Variants in BMPR2 observed in about 807,000 individuals in gnomAD.
BMPR2 encodes the protein bone morphogenetic protein receptor type-2.
In BMPR2, 29 loss-of-function variants were observed where a neutral mutation model predicts 100.8. The ratio of observed to expected loss-of-function variants is 0.29; its 90% CI spans 0.21 to 0.39. The LOEUF (loss-of-function observed/expected upper bound fraction) is 0.39, where lower values mean the gene tolerates loss of function less well. Ranked by LOEUF, BMPR2 falls within the 10% of genes least tolerant of loss-of-function variation. The pLI is 1.00. For missense variants in BMPR2, 1,011 were observed against 1,274.5 expected (o/e 0.79, Z 3.15); for synonymous variants, 382 against 442.3 (o/e 0.86, Z 1.71).
At chr2:202,448,752 G>A (rs1480317150) in intron 1 of BMPR2, among the ~76,000 whole-genome samples, 1 of 151,406 alleles carries the variant, frequency 6.6e-6, no homozygotes, top group Admixed American at 6.6e-5. Context: ...CACCGCGCCC[G>A]GCCTCTTTAA....
At chr2:202,399,206 A>AG (rs1180716806) in intron 1 of BMPR2, among the ~76,000 whole-genome samples, 1 of 152,210 alleles carries the variant, frequency 6.6e-6, no homozygotes, top group Non-Finnish European at 1.5e-5. Context: ...TAAATGCCAC[A>AG]GGGCTATATT....
chr2:202,417,974 T>A (rs767863562), intron 1 of BMPR2, among the ~76,000 whole-genome samples: 18 of 152,134 alleles, frequency 1.2e-4, no homozygotes, highest in Non-Finnish European at 2.6e-4. Flanking sequence ...CACCTTGGCC[T>A]CCCAAAGTGC....
At chr2:202,413,674 T>C (rs1039017912) in intron 1 of BMPR2, among the ~76,000 whole-genome samples, 3 of 151,808 alleles carry the variant, frequency 2.0e-5, no homozygotes, top group African/African-American at 4.8e-5. Flanking sequence ...TATATTACTT[T>C]TTTTTTTTGA....
rs532084695 is a variant in BMPR2, at chr2:202,504,274, T to C, written c.419-9445T>C. On this transcript the variant is annotated intron_variant, in intron 3 of 12. Transcript: ENST00000374580. ...AGCTCTTTGCAATAAATCTTGCTAC[T>C]GCTCACTCTTTGGGTCCATACTGTT... Among the ~76,000 whole-genome samples the C allele has an allele frequency of 9.5e-4, 145 of 152,286 alleles. 2 individuals carry two copies. Among genetic ancestry groups the C allele is most frequent in the Admixed American group, 1.9e-3 (29 of 15,288 alleles).
At chr2:202,530,004 G>C (rs1039764029) in intron 7 of BMPR2, among the ~76,000 whole-genome samples, 1 of 152,040 alleles carries the variant, frequency 6.6e-6, no homozygotes, top group African/African-American at 2.4e-5. Context: ...AAAATATAAT[G>C]TACTTATATT....
chr2:202,467,534 T>C lies in BMPR2; in HGVS notation c.263T>C (p.Ile88Thr), dbSNP rs1160343787. 3 of 1,559,060 alleles carry C rather than the reference T, an allele frequency of 1.9e-6. No homozygotes were observed. The highest frequency in any genetic ancestry group is 2.7e-6 in the Non-Finnish European group (3 of 1,130,036). The change falls in exon 3 of 13, where the codon ATT (isoleucine) becomes ACT (threonine). Residue 88 changes from isoleucine to threonine, a missense_variant. Ile to Thr is a moderately conservative substitution (Grantham distance 89, BLOSUM62 -1). This residue lies in a region of BMPR2 where 355 missense variants were observed against 455.3 expected (regional missense o/e 0.78). Coordinates refer to ENST00000374580, the MANE Select transcript of BMPR2 (RefSeq NM_001204.7). ...TGATTTATAGGATGTTGGTCTCACA[T>C]TGGAGATCCCCAAGAGTGTCACTAT... ...NLVKQGCWSH[I>T]GDPQECHYEE...
At chr2:202,500,276 G>A (rs1304507636) in intron 3 of BMPR2, among the ~76,000 whole-genome samples, 6 of 152,198 alleles carry the variant, frequency 3.9e-5, no homozygotes, top group Non-Finnish European at 8.8e-5. Flanking sequence ...GGGACAGCCT[G>A]TAACCAGGTA....
chr2:202,515,633 T>C (rs566901275), intron 5 of BMPR2, among the ~76,000 whole-genome samples: 1 of 151,596 alleles, frequency 6.6e-6, no homozygotes, highest in East Asian at 1.9e-4. Flanking sequence ...CTCACGCCTG[T>C]AATCCTATCA....
chr2:202,409,623 A>G (rs1690972430), intron 1 of BMPR2, among the ~76,000 whole-genome samples: 1 of 152,236 alleles, frequency 6.6e-6, no homozygotes, highest in Non-Finnish European at 1.5e-5. Context: ...CATGCAGGTC[A>G]ACCAGGATGT....
chr2:202,521,875 G>C (rs1687824478), intron 7 of BMPR2, among the ~76,000 whole-genome samples: 1 of 152,084 alleles, frequency 6.6e-6, no homozygotes, highest in South Asian at 2.1e-4. Flanking sequence ...AAGAACTTTG[G>C]CTGGCATGGT....
chr2:202,393,402 G>A (rs1333190914), intron 1 of BMPR2, among the ~76,000 whole-genome samples: 1 of 152,086 alleles, frequency 6.6e-6, no homozygotes, highest in African/African-American at 2.4e-5. Flanking sequence ...GATCTATACT[G>A]GAGTAGGCTC....
At chr2:202,441,403 C>G (rs1470000398) in intron 1 of BMPR2, among the ~76,000 whole-genome samples, 2 of 150,122 alleles carry the variant, frequency 1.3e-5, no homozygotes, top group Non-Finnish European at 2.9e-5. Flanking sequence ...CACTAATTTA[C>G]TTTATTTAAA....
intron 3 of BMPR2, among the ~76,000 whole-genome samples, chr2:202,471,755 CATG>C (rs1482250392): frequency 2.6e-5 from 4 of 152,120 alleles, no homozygotes; most frequent in African/African-American, 4.8e-5. Context: ...TGATAAAGGA[CATG>C]ATGATTAGAG....
chr2:202,549,778 G>C (rs1043574542), intron 10 of BMPR2, among the ~76,000 whole-genome samples: 12 of 151,328 alleles, frequency 7.9e-5, no homozygotes, highest in African/African-American at 2.4e-4. Flanking sequence ...AAAGAAAAAA[G>C]AAACTGCCAG....
chr2:202,414,832 T>G lies in BMPR2; in HGVS notation c.76+37282T>G, dbSNP rs186970769. ...TTGGCTCACTGCAGCCTCCACTTCC[T>G]GGGTTCAAGCAATTCTCCTGCCTCA... On this transcript the variant is annotated intron_variant, in intron 1 of 12. Coordinates refer to ENST00000374580, the MANE Select transcript of BMPR2 (RefSeq NM_001204.7). Among the ~76,000 whole-genome samples the G allele has an allele frequency of 5.7e-3, 862 of 152,150 alleles. 7 individuals carry two copies. Among genetic ancestry groups the G allele is most frequent in the Non-Finnish European group, 8.9e-3 (608 of 67,980 alleles).
At chr2:202,486,894 G>A (rs942248973) in intron 3 of BMPR2, among the ~76,000 whole-genome samples, 10 of 152,148 alleles carry the variant, frequency 6.6e-5, no homozygotes, top group African/African-American at 1.4e-4. Context: ...GCTGGGTGTG[G>A]TGGTGCACGC....
intron 9 of BMPR2, among the ~76,000 whole-genome samples, chr2:202,535,070 G>A (rs1209408770): frequency 7.0e-6 from 1 of 143,066 alleles, no homozygotes; most frequent in African/African-American, 2.6e-5. Flanking sequence ...CAGGTCGGCT[G>A]GCCTGGCTGG....
chr2:202,502,682 C>T (rs1466507370), intron 3 of BMPR2, among the ~76,000 whole-genome samples: 4 of 152,272 alleles, frequency 2.6e-5, no homozygotes, highest in South Asian at 2.1e-4. Context: ...TCTCCAAAAC[C>T]GCCGAGGCCT....
chr2:202,477,574 G>C (rs370217548), intron 3 of BMPR2, among the ~76,000 whole-genome samples: 5 of 152,260 alleles, frequency 3.3e-5, no homozygotes, highest in African/African-American at 1.2e-4. Flanking sequence ...CGGATCACAA[G>C]GTCAGGAGTT....
Sources: gnomAD v4.1 joint callset for allele counts (sites outside exome capture counted in the v4.1 genomes callset) on GRCh38, gnomAD v4.1.1 for gene constraint, gnomAD v4.1.1 regional missense constraint, MANE v1.5 for transcripts, NCBI Gene and HGNC (gene_info 2026-07-23, HGNC 2026-07-21) for gene names.